EFCAB6: variants seen among roughly 807,000 people sequenced by gnomAD.
EFCAB6 encodes the protein EF-hand calcium-binding domain-containing protein 6.
Under a neutral mutation model 169.8 loss-of-function variants are expected in EFCAB6, and 156 were observed. The ratio of observed to expected loss-of-function variants is 0.92; its 90% CI spans 0.81 to 1.05. The LOEUF is 1.05. Among genes scored for constraint, EFCAB6 ranks in the 50% least tolerant of loss-of-function variants. EFCAB6 has a pLI of 0.00. For missense variants in EFCAB6, 1,800 were observed against 1,829.1 expected, an observed-to-expected ratio of 0.98 and a Z score of 0.29; for synonymous variants, 698 against 676.4, an observed-to-expected ratio of 1.03 and a Z score of -0.50.
rs915086992 is a variant in EFCAB6 at position 43,530,876 on chromosome 22, C to T, written c.4322G>A (p.Arg1441His). Residue 1441 changes from arginine to histidine, a missense_variant, in exon 31 of 32, where the codon CGC (arginine) becomes CAC (histidine). Coordinates refer to ENST00000262726, the MANE Select transcript of EFCAB6 (RefSeq NM_022785.4). ...KIVHCWRPMR[R>H]TFKSYDEAGT... ...AGCCTCATCATAGCTTTTGAACGTGCGCCGCATTGGCCTCCAGCAGTGCAC... is the reference window on the plus strand; with the variant it reads ...AGCCTCATCATAGCTTTTGAACGTGTGCCGCATTGGCCTCCAGCAGTGCAC... The T allele has an allele frequency of 4.3e-6, 7 of 1,614,216 alleles. No individual in the cohort carries two copies. Among genetic ancestry groups the T allele is most frequent in the Non-Finnish European group, 5.9e-6 (7 of 1,180,048 alleles).
At chr22:43,619,408 C>T (rs1357153291) in intron 20 of EFCAB6, among the ~76,000 whole-genome samples, 1 of 152,066 alleles carries the variant, frequency 6.6e-6, no homozygotes, top group African/African-American at 2.4e-5. Flanking sequence ...CTTAAAATAT[C>T]TAAGATACAG....
chr22:43,587,534 C>A (rs1319388108), intron 24 of EFCAB6, among the ~76,000 whole-genome samples: 1 of 152,190 alleles, frequency 6.6e-6, no homozygotes, highest in African/African-American at 2.4e-5. Context: ...CAGTCCCTGG[C>A]TTGTGGCCAC....
intron 10 of EFCAB6, among the ~76,000 whole-genome samples, chr22:43,696,340 A>G (rs1484295440): frequency 6.6e-6 from 1 of 152,148 alleles, no homozygotes; most frequent in Non-Finnish European, 1.5e-5. Flanking sequence ...ATTGTTACAT[A>G]CTGCTGGTGG....
At chr22:43,540,617 A>G (rs935571667) in intron 27 of EFCAB6, 6 of 1,339,314 alleles carry the variant, frequency 4.5e-6, no homozygotes, top group Non-Finnish European at 5.9e-6. Context: ...GCCCTCAGTG[A>G]GCACTTTAAG....
intron 2 of EFCAB6, among the ~76,000 whole-genome samples, chr22:43,801,225 A>C (rs1027701048): frequency 6.6e-6 from 1 of 152,212 alleles, no homozygotes; most frequent in Non-Finnish European, 1.5e-5. Context: ...AGAATATTAT[A>C]TCCAGCAAAG....
In EFCAB6 at chr22:43,618,165, GGAAAGAAAGAAAGAAAGAAAGAAAGAAA is replaced by G. The variant is rs1172174002; in HGVS notation, c.2466-2271_2466-2244del. ...GAGGAGGAAGGAAGGAAGGAAGGAA[GGAAAGAAAGAAAGAAAGAAAGAAAGAAA>G]GAAAGAAAGAAAGAAAGAAAGAAAG... On this transcript the variant is annotated intron_variant, in intron 20 of 31. Transcript: ENST00000262726. Among the ~76,000 whole-genome samples the G allele has an allele frequency of 1.8e-4, 12 of 68,240 alleles. 1 individual carries two copies. Among genetic ancestry groups the G allele is most frequent in the African/African-American group, 2.3e-4 (4 of 17,504 alleles). The allele number at this position is 68,240 out of a possible 152,430, so 44.8% of individuals were successfully genotyped here. A position where few individuals can be genotyped will look rare whatever the true frequency, so the allele number is the denominator to read the frequency against.
chr22:43,671,878 AT>A, intron 15 of EFCAB6, 94 bp downstream of exon 15: 1 of 1,418,336 alleles, frequency 7.1e-7, no homozygotes. Context: ...AATACTACCT[AT>A]TAATATTTCA....
chr22:43,718,665 C>CA (rs1423283817), intron 8 of EFCAB6, among the ~76,000 whole-genome samples: 1 of 152,174 alleles, frequency 6.6e-6, no homozygotes, highest in Non-Finnish European at 1.5e-5. Context: ...CCTATAGTCC[C>CA]AGCTCCTCGG....
chr22:43,771,966 C>G (rs2061483752), intron 4 of EFCAB6, among the ~76,000 whole-genome samples: 1 of 152,120 alleles, frequency 6.6e-6, no homozygotes, highest in Admixed American at 6.5e-5. Context: ...ACAGGCTGTC[C>G]CCTCTGCTAT....
At chr22:43,736,623 A>G (rs926098275) in intron 6 of EFCAB6, among the ~76,000 whole-genome samples, 2 of 151,824 alleles carry the variant, frequency 1.3e-5, no homozygotes, top group Admixed American at 1.3e-4. Context: ...AGCACCCAGG[A>G]TATTTATTGG....
At position 43,626,575 on chromosome 22, in the gene EFCAB6, G is replaced by C. The variant is rs755467310; in HGVS notation, c.2337C>G (p.Asp779Glu). Residue 779 changes from aspartate to glutamate, a missense_variant, in exon 20 of 32, where the codon GAC becomes GAG. Physicochemically the swap from Asp to Glu is conservative, Grantham distance 45. Coordinates refer to ENST00000262726, the MANE Select transcript of EFCAB6 (RefSeq NM_022785.4). ...LLLHLLLNLKDDEFERFLGLL... is the reference protein window; with the variant it reads ...LLLHLLLNLKEDEFERFLGLL... The stretch of plus-strand genomic sequence containing the variant: ...GGCCAAGGAAGCGCTCAAACTCGTC[G>C]TCTTTGAGATTAAGCAGTAGATGCA... The C allele has an allele frequency of 1.2e-6, 2 of 1,614,082 alleles. No homozygotes were observed. Among genetic ancestry groups the C allele is most frequent in the Non-Finnish European group, 1.7e-6 (2 of 1,180,052 alleles).
chr22:43,802,955 G>A (rs2062781130), intron 2 of EFCAB6, among the ~76,000 whole-genome samples: 3 of 152,298 alleles, frequency 2.0e-5, no homozygotes, highest in South Asian at 4.1e-4. Flanking sequence ...CTAGACTGAT[G>A]TGGAAAAAAC....
At chr22:43,663,721 A>G (rs906076070) in intron 17 of EFCAB6, among the ~76,000 whole-genome samples, 8 of 152,128 alleles carry the variant, frequency 5.3e-5, no homozygotes, top group Non-Finnish European at 1.2e-4. Flanking sequence ...ATATGTTTAG[A>G]CCCTAACTTC....
intron 21 of EFCAB6, among the ~76,000 whole-genome samples, chr22:43,614,567 G>T (rs936976141): frequency 6.6e-6 from 1 of 152,200 alleles, no homozygotes; most frequent in African/African-American, 2.4e-5. Context: ...CCTTGAGTTT[G>T]GCAGTGACTT....
chr22:43,782,360 A>G, intron 2 of EFCAB6, 35 bp from the exon 3 acceptor site: 2 of 1,597,294 alleles, frequency 1.3e-6, no homozygotes, highest in Non-Finnish European at 1.7e-6. Context: ...ACGTTACCTT[A>G]AAGAGCATAC....
At chr22:43,803,229 C>G (rs2062794785) in intron 2 of EFCAB6, among the ~76,000 whole-genome samples, 1 of 152,198 alleles carries the variant, frequency 6.6e-6, no homozygotes, top group African/African-American at 2.4e-5. Context: ...GATGGTGCCC[C>G]TCAAAAGAGC....
At chr22:43,778,571 C>T (rs1056673022) in intron 3 of EFCAB6, among the ~76,000 whole-genome samples, 3 of 152,126 alleles carry the variant, frequency 2.0e-5, no homozygotes, top group African/African-American at 7.2e-5. Flanking sequence ...CCATGAAACC[C>T]CCCAAAATGG....
intron 2 of EFCAB6, among the ~76,000 whole-genome samples, chr22:43,784,521 GT>G (rs2061948867): frequency 8.2e-6 from 1 of 122,564 alleles, no homozygotes; most frequent in African/African-American, 3.0e-5. Context: ...ATGTGTGTGT[GT>G]GTGTGTGTGT....
chr22:43,641,951 T>C (rs2055833373), intron 17 of EFCAB6, among the ~76,000 whole-genome samples: 2 of 152,216 alleles, frequency 1.3e-5, no homozygotes, highest in African/African-American at 4.8e-5. Context: ...AGACTGGCTT[T>C]TTTTTTGAGA....
Sources: allele counts gnomAD v4.1 joint callset (sites outside exome capture counted in the v4.1 genomes callset), GRCh38; gene constraint gnomAD v4.1.1; transcripts MANE v1.5; gene names NCBI Gene and HGNC (gene_info 2026-07-23, HGNC 2026-07-21).